The following CUL3 variants were observed in gnomAD, a reference collection of about 807,000 sequenced individuals.
CUL3 encodes cullin 3, also known as cullin-3.
In CUL3, 19 loss-of-function variants were observed where a neutral mutation model predicts 89.1. The observed-to-expected ratio is 0.21, with a 90% CI of 0.15 to 0.31. The LOEUF (loss-of-function observed/expected upper bound fraction) is 0.31. Ranked by LOEUF, CUL3 falls within the 10% of genes least tolerant of loss-of-function variation. The pLI is 1.00. For missense variants in CUL3, 469 were observed against 942.3 expected, an observed-to-expected ratio of 0.50 and a Z score of 6.58; for synonymous variants, 351 against 308.4, an observed-to-expected ratio of 1.14 and a Z score of -1.45.
chr2:224,502,918 A>G (rs767528648), intron 10 of CUL3, 47 bp downstream of exon 10: 1 of 1,366,630 alleles, frequency 7.3e-7, no homozygotes, highest in East Asian at 2.3e-5. Context: ...ACCCATTACA[A>G]AAGACTTTAC....
At chr2:224,506,541 C>T (rs1030046233) in intron 7 of CUL3, among the ~76,000 whole-genome samples, 1 of 152,120 alleles carries the variant, frequency 6.6e-6, no homozygotes, top group Non-Finnish European at 1.5e-5. Context: ...AATACTTAAA[C>T]CAGTTGTTTT....
At chr2:224,493,060 G>A (rs1692043680) in intron 13 of CUL3, among the ~76,000 whole-genome samples, 1 of 152,158 alleles carries the variant, frequency 6.6e-6, no homozygotes, top group African/African-American at 2.4e-5. Flanking sequence ...CAGATGACCA[G>A]AACCCCAGAC....
At chr2:224,547,152 C>T (rs1041473622) in intron 2 of CUL3, among the ~76,000 whole-genome samples, 2 of 152,170 alleles carry the variant, frequency 1.3e-5, no homozygotes, top group African/African-American at 4.8e-5. Context: ...TGCCTGACTA[C>T]ATCTTCTCCA....
chr2:224,507,353 CT>C (rs1214360284), intron 6 of CUL3, among the ~76,000 whole-genome samples: 13 of 152,150 alleles, frequency 8.5e-5, no homozygotes, highest in Middle Eastern at 3.4e-3. Context: ...ATACTTTATC[CT>C]ACATAACTCT....
Position 224,514,783 on chromosome 2 carries a change from A to C in CUL3, c.379-11T>G, listed in dbSNP as rs772172480. 2.5e-5 allele frequency: 39 copies of C among 1,589,136 alleles called. No homozygotes were observed. Among genetic ancestry groups the C allele is most frequent in the Non-Finnish European group, 3.1e-5 (36 of 1,158,504 alleles). The stretch of plus-strand genomic sequence containing the variant: ...TACATACACACGGTCCTACAGTTAA[A>C]GTCATATAAATATGAGTACAGTTCT... On this transcript the variant is annotated splice_polypyrimidine_tract_variant and intron_variant, in intron 3 of 15. Coordinates refer to ENST00000264414, the MANE Select transcript of CUL3 (RefSeq NM_003590.5).
At chr2:224,577,834 ATAC>A (rs2106325932) in intron 1 of CUL3, among the ~76,000 whole-genome samples, 1 of 152,328 alleles carries the variant, frequency 6.6e-6, no homozygotes, top group East Asian at 1.9e-4. Context: ...GCTGGGTAAG[ATAC>A]TGCTACACAG....
chr2:224,509,662 C>T (rs1341614634), intron 6 of CUL3, among the ~76,000 whole-genome samples: 3 of 152,342 alleles, frequency 2.0e-5, no homozygotes, highest in Admixed American at 6.5e-5. Context: ...ATAGGCATAC[C>T]TGACACCTTT....
intron 2 of CUL3, among the ~76,000 whole-genome samples, chr2:224,541,360 T>C (rs1694097159): frequency 6.6e-6 from 1 of 152,284 alleles, no homozygotes; most frequent in South Asian, 2.1e-4. Flanking sequence ...TGTAAGTCAT[T>C]AGGGAAAAGC....
chr2:224,492,552 T>C (rs1210513562), intron 13 of CUL3, among the ~76,000 whole-genome samples: 1 of 152,182 alleles, frequency 6.6e-6, no homozygotes, highest in Non-Finnish European at 1.5e-5. Context: ...CACTGCTAAT[T>C]ACTAAAGTCC....
intron 1 of CUL3, 27 bp from the exon 2 acceptor site, chr2:224,557,883 CAA>C (rs748754000): frequency 5.0e-3 from 563 of 112,070 alleles, no homozygotes; most frequent in Middle Eastern, 0.017. Flanking sequence ...AGAGAAGAGA[CAA>C]AAAAAAAAAA....
At chr2:224,524,182 C>G (rs1310905813) in intron 3 of CUL3, among the ~76,000 whole-genome samples, 1 of 152,126 alleles carries the variant, frequency 6.6e-6, no homozygotes, top group Non-Finnish European at 1.5e-5. Context: ...AAAAGGCAAA[C>G]ATACTGAGAG....
chr2:224,559,512 C>CAT (rs1437798958), intron 1 of CUL3, among the ~76,000 whole-genome samples: 1 of 151,526 alleles, frequency 6.6e-6, no homozygotes, highest in Non-Finnish European at 1.5e-5. Flanking sequence ...CTCACAAACC[C>CAT]ATATATTCCT....
At chr2:224,484,130 C>A (rs974846664) in intron 13 of CUL3, among the ~76,000 whole-genome samples, 1 of 152,016 alleles carries the variant, frequency 6.6e-6, no homozygotes, top group Admixed American at 6.6e-5. Context: ...ATGATAATAC[C>A]ACTGCACTCC....
chr2:224,565,214 C>T (rs767494097), intron 1 of CUL3, among the ~76,000 whole-genome samples: 20 of 151,980 alleles, frequency 1.3e-4, no homozygotes, highest in African/African-American at 1.9e-4. Context: ...TATTACACAC[C>T]GTATTCTTAG....
Position 224,470,625 on chromosome 2 carries a change from T to C in CUL3, c.*3620A>G, listed in dbSNP as rs1308668772. On this transcript the variant is annotated 3_prime_UTR_variant, in exon 16 of 16. Coordinates refer to ENST00000264414, the MANE Select transcript of CUL3 (RefSeq NM_003590.5). ...TGCCTATCTGTGGTACCCACTTAAG[T>C]ATGTAAAACTTTCTCTAAGATTGTA... 4.3e-6 allele frequency: 1 copy of C among 231,924 alleles called. No individual in the cohort carries two copies. Among genetic ancestry groups the C allele is most frequent in the East Asian group, 6.1e-5 (1 of 16,312 alleles). 14.4% of individuals were successfully genotyped at this position (231,924 alleles called of 1,614,324 possible).
At chr2:224,579,937 G>A (rs2969786) in intron 1 of CUL3, among the ~76,000 whole-genome samples, 1 of 152,154 alleles carries the variant, frequency 6.6e-6, no homozygotes, top group African/African-American at 2.4e-5. Flanking sequence ...CAAAACCCCA[G>A]ACAGTAAAAA....
chr2:224,543,329 C>G lies in CUL3; in HGVS notation c.265-7688G>C, dbSNP rs141179264. Among the ~76,000 whole-genome samples the G allele has an allele frequency of 5.4e-3, 829 of 152,190 alleles. 5 individuals are homozygous for G. Among genetic ancestry groups the G allele is most frequent in the African/African-American group, 0.019 (789 of 41,518 alleles). On this transcript the variant is annotated intron_variant, in intron 2 of 15. Coordinates refer to ENST00000264414, the MANE Select transcript of CUL3 (RefSeq NM_003590.5). ...GGCATTACTGTCCATCAAAAAAATA[C>G]TAATCATGTATTAAAAACATAAAAT... is the stretch of plus-strand genomic sequence containing the variant.
In CUL3 at chr2:224,485,045, C is replaced by T. The variant is rs1368581930; in HGVS notation, c.1843-2967G>A. On this transcript the variant is annotated intron_variant, in intron 13 of 15. Transcript: ENST00000264414. This position sits in a 1 kb window ranked among gnomAD's most constrained non-coding sequence, Gnocchi z 4.1. ...AGCACAAGGGGTCAGGGAACTCCCT[C>T]CCCTAGCCAAGGGAAGCCCTGAGGG... Among the ~76,000 whole-genome samples, 1 of 152,156 alleles carries T rather than the reference C, an allele frequency of 6.6e-6. No individual in the cohort carries two copies. The highest frequency in any genetic ancestry group is 1.5e-5 in the Non-Finnish European group (1 of 68,026).
chr2:224,509,715 G>A (rs1692742509), intron 6 of CUL3, among the ~76,000 whole-genome samples: 1 of 152,200 alleles, frequency 6.6e-6, no homozygotes, highest in African/African-American at 2.4e-5. Context: ...TGTAATTCAG[G>A]TATGCCCAAC....
Sources: gnomAD v4.1 joint callset for allele counts (sites outside exome capture counted in the v4.1 genomes callset) on GRCh38, gnomAD v4.1.1 for gene constraint, Gnocchi (gnomAD v3.1) non-coding constraint, MANE v1.5 for transcripts, NCBI Gene and HGNC (gene_info 2026-07-23, HGNC 2026-07-21) for gene names.